Variants in ZMYM4 observed in about 807,000 individuals in gnomAD.
The protein encoded by ZMYM4 is zinc finger MYM-type containing 4.
ZMYM4 carries 31 observed loss-of-function variants against 183.2 expected under a neutral mutation model. The ratio of observed to expected loss-of-function variants is 0.17; its 90% CI spans 0.13 to 0.23. ZMYM4 has a LOEUF of 0.23. Among genes scored for constraint, ZMYM4 ranks in the 10% least tolerant of loss-of-function variants. The pLI, the probability that ZMYM4 is intolerant of heterozygous loss-of-function variation, is 1.00. For synonymous variants in ZMYM4, 592 were observed against 631.2 expected (o/e 0.94, Z 0.93); for missense variants, 1,273 against 1,840.3 (o/e 0.69, Z 5.64).
chr1:35,281,881 T>C (rs1189875030), intron 1 of ZMYM4, among the ~76,000 whole-genome samples: 2 of 152,194 alleles, frequency 1.3e-5, no homozygotes, highest in Admixed American at 6.5e-5. Context: ...TTGCCTATTC[T>C]AGATATTTCA....
intron 1 of ZMYM4, among the ~76,000 whole-genome samples, chr1:35,293,594 G>A (rs545813802): frequency 6.6e-6 from 1 of 152,260 alleles, no homozygotes; most frequent in African/African-American, 2.4e-5. Flanking sequence ...TAAGATTACA[G>A]GCGTGAGCTC....
intron 1 of ZMYM4, among the ~76,000 whole-genome samples, chr1:35,289,877 A>G (rs2148712679): frequency 6.6e-6 from 1 of 152,278 alleles, no homozygotes; most frequent in East Asian, 1.9e-4. Context: ...TTCTATGTAT[A>G]ATAGCTGCTT....
intron 5 of ZMYM4, among the ~76,000 whole-genome samples, chr1:35,363,806 T>G (rs1644002734): frequency 6.6e-6 from 1 of 152,210 alleles, no homozygotes; most frequent in Admixed American, 6.5e-5. Context: ...CTGGGGAAAG[T>G]TCATGTGGCA....
At chr1:35,356,142 G>A (rs943672136) in intron 2 of ZMYM4, among the ~76,000 whole-genome samples, 5 of 152,242 alleles carry the variant, frequency 3.3e-5, no homozygotes, top group Non-Finnish European at 5.9e-5. Context: ...TCCTGGAGGC[G>A]GAGGTTGTAA....
chr1:35,393,446 T>G lies in ZMYM4; in HGVS notation c.2767-149T>G, dbSNP rs1051014901. On this transcript the variant is annotated intron_variant, in intron 17 of 29. Coordinates refer to ENST00000314607, the MANE Select transcript of ZMYM4 (RefSeq NM_005095.3). ...GATTACTATTAATATTTTAGGAGTA[T>G]TGTATTTCTTATACATTTGGTTGAA... The G allele has an allele frequency of 3.8e-5, 24 of 639,842 alleles. No homozygotes were observed. In the African/African-American group the frequency reaches 4.3e-4, roughly 11 times the overall value. The allele number at this position is 639,842 out of a possible 1,614,324, so 39.6% of individuals were successfully genotyped here. A position where few individuals can be genotyped will look rare whatever the true frequency, so the allele number is the denominator to read the frequency against.
At position 35,338,307 on chromosome 1, in the gene ZMYM4, G is replaced by A. The variant is rs185784520; in HGVS notation, c.85+12902G>A. Among the ~76,000 whole-genome samples, 508 of 152,294 alleles carry A rather than the reference G, an allele frequency of 3.3e-3. 2 individuals are homozygous for A. The highest frequency in any genetic ancestry group is 0.01 in the Middle Eastern group (3 of 294). On this transcript the variant is annotated intron_variant, in intron 2 of 29. Coordinates refer to ENST00000314607, the MANE Select transcript of ZMYM4 (RefSeq NM_005095.3). The stretch of plus-strand genomic sequence containing the variant: ...TGAACAACATGGGCTTGAACTGTAC[G>A]GGTCCACTTATGCATGGATTTTGGA...
intron 1 of ZMYM4, chr1:35,309,090 G>T (rs1464735024): frequency 3.1e-6 from 3 of 972,554 alleles, no homozygotes; most frequent in Non-Finnish European, 3.7e-6. Context: ...TAGCACAGTT[G>T]CCTTCCTGAC....
intron 20 of ZMYM4, among the ~76,000 whole-genome samples, chr1:35,398,008 T>A (rs1644839417): frequency 6.6e-6 from 1 of 152,252 alleles, no homozygotes; most frequent in Admixed American, 6.5e-5. Context: ...TGCCATACTC[T>A]AGGCATTGTG....
chr1:35,338,486 A>G (rs1643067045), intron 2 of ZMYM4, among the ~76,000 whole-genome samples: 1 of 152,118 alleles, frequency 6.6e-6, no homozygotes, highest in Admixed American at 6.5e-5. Flanking sequence ...GTAGGCCTTG[A>G]ATATGCTCGG....
At chr1:35,304,598 T>C (rs1641442723) in intron 1 of ZMYM4, among the ~76,000 whole-genome samples, 1 of 151,480 alleles carries the variant, frequency 6.6e-6, no homozygotes, top group Admixed American at 6.6e-5. Context: ...TACCTGTGAC[T>C]ATAGCGTGTG....
intron 25 of ZMYM4, 107 bp from the exon 26 acceptor site, chr1:35,407,901 T>C: frequency 7.1e-7 from 1 of 1,400,526 alleles, no homozygotes; most frequent in Non-Finnish European, 9.9e-7. Flanking sequence ...CCCACTAGTC[T>C]GCACCGCAGT....
At chr1:35,365,237 G>A (rs1263930222) in intron 5 of ZMYM4, among the ~76,000 whole-genome samples, 1 of 126,982 alleles carries the variant, frequency 7.9e-6, no homozygotes. Context: ...CATAATCAAA[G>A]TCTTTTTTTT....
At chr1:35,287,792 G>C (rs1640577783) in intron 1 of ZMYM4, among the ~76,000 whole-genome samples, 1 of 152,060 alleles carries the variant, frequency 6.6e-6, no homozygotes, top group Admixed American at 6.5e-5. Flanking sequence ...TTTTAGTAGA[G>C]ATGGGGTTTC....
chr1:35,348,320 G>A (rs1570406415), intron 2 of ZMYM4, among the ~76,000 whole-genome samples: 1 of 152,078 alleles, frequency 6.6e-6, no homozygotes, highest in African/African-American at 2.4e-5. Flanking sequence ...AAAAATTTTT[G>A]AAACACTGTT....
chr1:35,351,626 A>C, intron 2 of ZMYM4: 2 of 626,368 alleles, frequency 3.2e-6, no homozygotes, highest in Non-Finnish European at 5.6e-6. Context: ...ATTTTCTATG[A>C]GGATTTTTCA....
rs139002680 is a variant in ZMYM4 at position 35,381,746 on chromosome 1, G to A, written c.1557G>A (p.Thr519=). 2.7e-4 allele frequency: 434 copies of A among 1,614,060 alleles called. 1 individual carries two copies. The highest frequency in any genetic ancestry group is 3.5e-4 in the Non-Finnish European group (412 of 1,180,022). ...AGTTTTGTAGTTCATCGTGTATCAC[G>A]GCATACAAGCAGGTACATGACCATA... ...SKKFCSSSCI[T]AYKQKSAKIT... is the part of the protein sequence containing the mutation. Residue 519 remains threonine (T), a synonymous_variant, in exon 9 of 30, where the codon ACG becomes ACA. Coordinates refer to ENST00000314607, the MANE Select transcript of ZMYM4 (RefSeq NM_005095.3).
In ZMYM4 at chr1:35,387,023, T is replaced by G. The variant is rs773020463; in HGVS notation, c.1857T>G (p.Thr619=). 4 of 1,613,598 alleles carry G rather than the reference T, an allele frequency of 2.5e-6. No individual in the cohort carries two copies. The highest frequency in any genetic ancestry group is 1.7e-5 in the Admixed American group (1 of 59,968). The part of the protein sequence containing the change: ...VAFQNLFNKP[T]GMNSSVVPLS... ...TCCAGAATTTATTCAACAAACCAAC[T>G]GGAATGAATTCTTCAGTAGTGCCCT... Residue 619 remains threonine, a synonymous_variant, in exon 12 of 30, where the codon ACT becomes ACG. Coordinates refer to ENST00000314607, the MANE Select transcript of ZMYM4 (RefSeq NM_005095.3).
chr1:35,370,338 ATTTTT>A (rs35122134), intron 6 of ZMYM4, 29 bp from the exon 7 acceptor site: 368 of 1,127,782 alleles, frequency 3.3e-4, no homozygotes, highest in East Asian at 6.7e-4. Flanking sequence ...TTTTCTTTCA[ATTTTT>A]TTTTTTTTTT....
rs568231052 is a variant in ZMYM4, at chr1:35,287,667, G to A, written c.39+18582G>A. On this transcript the variant is annotated intron_variant, in intron 1 of 29. Coordinates refer to ENST00000314607, the MANE Select transcript of ZMYM4 (RefSeq NM_005095.3). ...GTCACCCAGGCTGGAATGCAGTGACGCAATCTCGGCTCACTGCAACCTCCA... is the reference window on the plus strand; with the variant it reads ...GTCACCCAGGCTGGAATGCAGTGACACAATCTCGGCTCACTGCAACCTCCA... Among the ~76,000 whole-genome samples, 11 of 151,944 alleles carry A rather than the reference G, an allele frequency of 7.2e-5. No individual in the cohort carries two copies. The South Asian group carries it at 1.0e-3, about 14-fold the overall frequency.
Sources: allele counts gnomAD v4.1 joint callset (sites outside exome capture counted in the v4.1 genomes callset), GRCh38; gene constraint gnomAD v4.1.1; transcripts MANE v1.5; gene names NCBI Gene and HGNC (gene_info 2026-07-23, HGNC 2026-07-21).